PCDH9: variants seen among roughly 807,000 people sequenced by gnomAD.
PCDH9 encodes protocadherin-9.
Under a neutral mutation model 70.6 loss-of-function variants are expected in PCDH9, and 24 were observed. The ratio of observed to expected loss-of-function variants is 0.34; its 90% CI spans 0.25 to 0.48. The LOEUF (loss-of-function observed/expected upper bound fraction) is 0.48, where lower values mean the gene tolerates loss of function less well. PCDH9 is among the 20% of genes least tolerant of loss of function. The pLI is 0.99. For missense variants in PCDH9, 1,281 were observed against 1,503.6 expected, an observed-to-expected ratio of 0.85 and a Z score of 2.45; for synonymous variants, 562 against 558.5, an observed-to-expected ratio of 1.01 and a Z score of -0.09.
intron 3 of PCDH9, among the ~76,000 whole-genome samples, chr13:66,844,063 G>A (rs2081163203): frequency 6.6e-6 from 1 of 151,976 alleles, no homozygotes; most frequent in African/African-American, 2.4e-5. Flanking sequence ...AAAATGGGGA[G>A]TGAGTAGTGT....
intron 4 of PCDH9, among the ~76,000 whole-genome samples, chr13:66,408,651 A>G (rs1957323003): frequency 6.6e-6 from 1 of 152,162 alleles, no homozygotes; most frequent in Admixed American, 6.5e-5. Context: ...AACCAAATGC[A>G]AATGCACATA....
chr13:67,012,559 T>A (rs1310231919), intron 2 of PCDH9, among the ~76,000 whole-genome samples: 1 of 151,984 alleles, frequency 6.6e-6, no homozygotes, highest in Non-Finnish European at 1.5e-5. Flanking sequence ...TCTGAATCAT[T>A]GTTCCACCCA....
chr13:66,608,145 G>A (rs2077244600), intron 4 of PCDH9, among the ~76,000 whole-genome samples: 2 of 150,878 alleles, frequency 1.3e-5, no homozygotes, highest in South Asian at 4.2e-4. Context: ...AAACACAAGA[G>A]AGATATATGT....
chr13:67,127,466 T>C (rs1379189821), intron 2 of PCDH9, among the ~76,000 whole-genome samples: 1 of 152,154 alleles, frequency 6.6e-6, no homozygotes, highest in East Asian at 1.9e-4. Context: ...AGCAGCTTGA[T>C]GGAGCTTGGT....
At chr13:66,603,142 A>C (rs377168744) in intron 4 of PCDH9, among the ~76,000 whole-genome samples, 2 of 145,812 alleles carry the variant, frequency 1.4e-5, no homozygotes, top group East Asian at 3.9e-4. Flanking sequence ...TCAAGAAAGT[A>C]AGTCCTATGA....
Position 67,225,592 on chromosome 13 carries a change from A to G in PCDH9, c.2849T>C (p.Leu950Pro). Residue 950 changes from leucine (L) to proline (P), a missense_variant, in exon 2 of 5, where the codon CTC (leucine) becomes CCC (proline). Leu to Pro is a moderately conservative substitution (Grantham distance 98, BLOSUM62 -3). This residue lies in a region of PCDH9 where 207 missense variants were observed against 191.8 expected (regional missense o/e 1.08). Coordinates refer to ENST00000377865, the MANE Select transcript of PCDH9 (RefSeq NM_203487.3). ...KSASPQPAFHLKPDTPVSVKK... is the reference protein window; with the variant it reads ...KSASPQPAFHPKPDTPVSVKK... ...CACGGAAACTGGAGTGTCTGGTTTG[A>G]GATGAAAAGCAGGCTGTGGAGAAGC... 1 of 1,614,122 alleles carries G rather than the reference A, an allele frequency of 6.2e-7. No individual in the cohort carries two copies. The highest frequency in any genetic ancestry group is 8.5e-7 in the Non-Finnish European group (1 of 1,180,012).
rs192904117 is a variant in PCDH9 at position 66,903,877 on chromosome 13, A to T, written c.3037-272T>A. ...TACCTTTTTTAGGCAATATTTATTT[A>T]TTACATTTATGACTTTGGTAGCTAA... On this transcript the variant is annotated intron_variant, in intron 2 of 4. Coordinates refer to ENST00000377865, the MANE Select transcript of PCDH9 (RefSeq NM_203487.3). Among the ~76,000 whole-genome samples, 19 of 152,156 alleles carry T rather than the reference A, an allele frequency of 1.2e-4. No homozygotes were observed. In the East Asian group the frequency reaches 2.9e-3, roughly 23 times the overall value.
At chr13:67,109,745 T>C (rs2086618384) in intron 2 of PCDH9, among the ~76,000 whole-genome samples, 1 of 152,214 alleles carries the variant, frequency 6.6e-6, no homozygotes, top group Non-Finnish European at 1.5e-5. Context: ...AATATTTCTT[T>C]GGGTTAATTT....
intron 3 of PCDH9, among the ~76,000 whole-genome samples, chr13:66,746,518 C>A (rs188640195): frequency 3.3e-5 from 5 of 151,872 alleles, no homozygotes; most frequent in Non-Finnish European, 5.9e-5. Flanking sequence ...AGAAAGAAAG[C>A]AAGAATCAAA....
At chr13:66,673,148 C>A (rs981516959) in intron 3 of PCDH9, among the ~76,000 whole-genome samples, 1 of 152,090 alleles carries the variant, frequency 6.6e-6, no homozygotes, top group African/African-American at 2.4e-5. Flanking sequence ...CTCTCATAAT[C>A]CCCTCATATC....
intron 2 of PCDH9, among the ~76,000 whole-genome samples, chr13:67,046,697 T>C (rs2085228687): frequency 1.3e-5 from 2 of 152,030 alleles, no homozygotes; most frequent in Non-Finnish European, 2.9e-5. Context: ...TGGTCTGTGA[T>C]AGAGGAAATG....
In PCDH9 at chr13:67,225,901, G is replaced by C. The variant is rs371486234; in HGVS notation, c.2540C>G (p.Ala847Gly). ...RCRHASRFKAAQRSKQGAEWM... is the reference protein window; with the variant it reads ...RCRHASRFKAGQRSKQGAEWM... ...TTCGGCACCTTGCTTGCTCCTCTGA[G>C]CTGCTTTGAACCTTGATGCATGGCG... The change falls in exon 2 of 5, where the codon GCT (alanine) becomes GGT (glycine). Residue 847 changes from alanine to glycine, a missense_variant. This residue lies in a region of PCDH9 where 207 missense variants were observed against 191.8 expected (regional missense o/e 1.08). Transcript: ENST00000377865. 1 of 1,613,938 alleles carries C rather than the reference G, an allele frequency of 6.2e-7. No homozygotes were observed. Among genetic ancestry groups the C allele is most frequent in the Non-Finnish European group, 8.5e-7 (1 of 1,180,032 alleles).
Position 66,447,177 on chromosome 13 carries a change from G to A in PCDH9, c.3341-142149C>T, listed in dbSNP as rs571620546. Among the ~76,000 whole-genome samples the A allele has an allele frequency of 1.6e-4, 24 of 152,022 alleles. No individual in the cohort carries two copies. The South Asian group carries it at 4.1e-3, about 26-fold the overall frequency. ...TATGAAATGTTATTTTTCTGAGCCC[G>A]ATAAAAAATGTTGAAAAGCTTCTAA... On this transcript the variant is annotated intron_variant, in intron 4 of 4. Transcript: ENST00000377865.
At chr13:66,828,931 T>C (rs1484556254) in intron 3 of PCDH9, among the ~76,000 whole-genome samples, 1 of 152,100 alleles carries the variant, frequency 6.6e-6, no homozygotes, top group Non-Finnish European at 1.5e-5. Context: ...TAAGGATGTT[T>C]ATCTCTATTA....
chr13:67,197,934 T>C (rs1435330559), intron 2 of PCDH9, among the ~76,000 whole-genome samples: 2 of 151,764 alleles, frequency 1.3e-5, no homozygotes, highest in Non-Finnish European at 3.0e-5. Flanking sequence ...GAACTAATAA[T>C]GCAAAGAAAG....
intron 2 of PCDH9, among the ~76,000 whole-genome samples, chr13:66,980,304 A>C (rs1006890118): frequency 1.3e-5 from 2 of 152,084 alleles, no homozygotes; most frequent in Non-Finnish European, 2.9e-5. Context: ...TCACACACAC[A>C]CGTACACACA....
chr13:66,318,524 T>C (rs1220737581), intron 4 of PCDH9, among the ~76,000 whole-genome samples: 1 of 152,194 alleles, frequency 6.6e-6, no homozygotes, highest in African/African-American at 2.4e-5. Flanking sequence ...TGCTTTTCAA[T>C]AATCTTTAAA....
intron 2 of PCDH9, among the ~76,000 whole-genome samples, chr13:67,054,452 T>G (rs1197580716): frequency 6.6e-6 from 1 of 152,180 alleles, no homozygotes; most frequent in Admixed American, 6.6e-5. Context: ...CTACATACTT[T>G]ACTTTTGTTT....
At chr13:67,217,630 A>T (rs911420792) in intron 2 of PCDH9, 1 of 152,130 alleles carries the variant, frequency 6.6e-6, no homozygotes, top group African/African-American at 2.4e-5. Flanking sequence ...AAATGCAGCA[A>T]AGATGAATTC....
Sources: allele counts gnomAD v4.1 joint callset (sites outside exome capture counted in the v4.1 genomes callset), GRCh38; gene constraint gnomAD v4.1.1; regional missense constraint gnomAD v4.1.1; transcripts MANE v1.5; gene names NCBI Gene and HGNC (gene_info 2026-07-23, HGNC 2026-07-21).